Variants in NBPF10 observed in about 807,000 individuals in gnomAD.
The protein encoded by NBPF10 is NBPF member 10.
Under a neutral mutation model 77.9 loss-of-function variants are expected in NBPF10, and 63 were observed. The ratio of observed to expected loss-of-function variants is 0.81; its 90% confidence interval spans 0.66 to 1.00. The LOEUF is 1.00. Among genes scored for constraint, NBPF10 ranks in the 50% least tolerant of loss-of-function variants. The pLI is 0.00. For synonymous variants in NBPF10, 146 were observed against 264.5 expected (o/e 0.55, Z 4.35); for missense variants, 522 against 679.8 (o/e 0.77, Z 2.58).
At chr1:146,067,711 T>A (rs587735287) in intron 88 of NBPF10, among the ~76,000 whole-genome samples, 48 of 149,316 alleles carry the variant, frequency 3.2e-4, no homozygotes, top group African/African-American at 1.1e-3. Context: ...AACCCTTGAG[T>A]CAAAATCACA....
At chr1:146,068,247 T>A in intron 87 of NBPF10, 72 bp from the exon 88 acceptor site, 1 of 248,166 alleles carries the variant, frequency 4.0e-6, no homozygotes, top group Non-Finnish European at 7.4e-6. Context: ...CTAGATTTCA[T>A]GGCTAACATA....
At position 146,126,503 on chromosome 1, in the gene NBPF10, A is replaced by C; in HGVS notation, c.1854-95T>G. ...CATGGCTAACATAAGGAAGAGTTTG[A>C]AAAGAAAAAGGACAGATCCATTAAT... is the stretch of plus-strand genomic sequence containing the variant. On this transcript the variant is annotated intron_variant, in intron 13 of 89. Coordinates refer to ENST00000583866, the Ensembl canonical transcript of NBPF10. The C allele has an allele frequency of 4.2e-6, 3 of 719,264 alleles. No individual in the cohort carries two copies. The South Asian group carries it at 4.4e-5, about 11-fold the overall frequency. The allele number at this position is 719,264 out of a possible 1,614,324, so 44.6% of individuals were successfully genotyped here.
chr1:146,126,890 C>G, intron 13 of NBPF10, 138 bp downstream of exon 13: 3 of 514,470 alleles, frequency 5.8e-6, no homozygotes, highest in South Asian at 2.2e-5. Context: ...TAATGAGAAC[C>G]AAAAAGCAAT....
rs1328333385 is a variant in NBPF10 at position 146,141,747 on chromosome 1, C to CT, written c.349dup (p.Arg117LysfsTer9). On this transcript the variant is annotated frameshift_variant, in exon 3 of 90. Coordinates refer to ENST00000583866, the Ensembl canonical transcript of NBPF10. LOFTEE classifies it high-confidence loss of function. ...CTCATACAATGAGCGGGAGGCATCT[C>CT]TCCCTTCCCGTAACTTCTCCCTTAG... 2 of 1,332,692 alleles carry CT rather than the reference C, an allele frequency of 1.5e-6. 1 individual carries two copies. Among genetic ancestry groups the CT allele is most frequent in the Non-Finnish European group, 2.1e-6 (2 of 964,584 alleles). 82.6% of individuals were successfully genotyped at this position (1,332,692 alleles called of 1,614,324 possible).
chr1:146,067,092 C>G (rs74347725), intron 89 of NBPF10, 88 bp downstream of exon 89: 2 of 617,752 alleles, frequency 3.2e-6, no homozygotes, highest in Non-Finnish European at 2.9e-6. Context: ...TCGTTGAAAA[C>G]ATGTCATCAA....
chr1:146,135,870 C>T (rs1383620166), intron 7 of NBPF10, among the ~76,000 whole-genome samples: 1 of 142,012 alleles, frequency 7.0e-6, no homozygotes, highest in Admixed American at 7.2e-5. Context: ...CATCTTGCGG[C>T]CACTAGATAC....
At chr1:146,137,264 ACTG>A (rs1410081482) in intron 6 of NBPF10, among the ~76,000 whole-genome samples, 2 of 86,634 alleles carry the variant, frequency 2.3e-5, no homozygotes, top group African/African-American at 7.1e-5. Flanking sequence ...TGTACACTGC[ACTG>A]CTATCTCCAC....
chr1:146,139,390 T>C (rs1365103652), intron 5 of NBPF10, among the ~76,000 whole-genome samples: 1 of 151,838 alleles, frequency 6.6e-6, no homozygotes, highest in Non-Finnish European at 1.5e-5. Context: ...ATTACAGGTG[T>C]GACCCACTGC....
At chr1:146,126,590 G>C (rs587656036) in intron 13 of NBPF10, among the ~76,000 whole-genome samples, 182 bp from the exon 14 acceptor site, 2 of 100,266 alleles carry the variant, frequency 2.0e-5, no homozygotes, top group East Asian at 2.8e-4. Context: ...AAGGATGAAC[G>C]AGAAAGACAC....
chr1:146,069,339 G>C (rs1553779231), intron 86 of NBPF10, among the ~76,000 whole-genome samples: 1 of 92,066 alleles, frequency 1.1e-5, no homozygotes, highest in East Asian at 2.4e-4. Flanking sequence ...CATGGCCTGA[G>C]ACTAGGAAGA....
chr1:146,126,199 C>T (rs782702198), intron 14 of NBPF10, 37 bp downstream of exon 14: 4 of 1,171,726 alleles, frequency 3.4e-6, no homozygotes, highest in South Asian at 2.4e-5. Context: ...CCAGAAGACT[C>T]AGTGGATCCT....
At chr1:146,139,285 A>G (rs1476647920) in intron 5 of NBPF10, among the ~76,000 whole-genome samples, 1 of 110,536 alleles carries the variant, frequency 9.0e-6, no homozygotes, top group African/African-American at 3.3e-5. Flanking sequence ...TTTTTTTTGT[A>G]TTTTTAGTAA....
intron 13 of NBPF10, among the ~76,000 whole-genome samples, chr1:146,126,814 T>C (rs782157309): frequency 8.7e-5 from 11 of 125,738 alleles, no homozygotes; most frequent in South Asian, 2.9e-4. Flanking sequence ...TTTTGAGGTA[T>C]GGTCAACTTT....
At chr1:146,130,567 A>G (rs1415540510) in intron 11 of NBPF10, among the ~76,000 whole-genome samples, 5 of 23,696 alleles carry the variant, frequency 2.1e-4, no homozygotes, top group Non-Finnish European at 6.0e-4. Flanking sequence ...AGCACCTTCA[A>G]CATTCTTAAA....
At position 146,126,355 on chromosome 1, in the gene NBPF10, T is replaced by G; in HGVS notation, c.1907A>C (p.Gln636Pro). 2.2e-6 allele frequency: 3 copies of G among 1,380,914 alleles called. No homozygotes were observed. In the South Asian group the frequency reaches 3.5e-5, roughly 16 times the overall value. The allele number at this position is 1,380,914 out of a possible 1,614,324, so 85.5% of individuals were successfully genotyped here. A position where few individuals can be genotyped will look rare whatever the true frequency, so the allele number is the denominator to read the frequency against. Residue 636 changes from glutamine (Q) to proline (P), a missense_variant, in exon 14 of 90, where the codon CAG becomes CCG. By Grantham distance (76) the Gln-to-Pro change is moderately conservative. Around this residue, in one of 9 missense-constraint regions of NBPF10, gnomAD observed 178 missense variants for 77.7 expected, o/e 2.29. Transcript: ENST00000583866. ...TGAAGGAGTTGAATAACATCTATCC[T>G]GTGAGTCCTGCAAGACTTCAGGCCC...
exon 89 of NBPF10, chr1:146,067,226 T>A (rs782091398): frequency 3.6e-6 from 2 of 560,002 alleles, no homozygotes; most frequent in African/African-American, 2.1e-5. Flanking sequence ...TTTCTTCCCC[T>A]TCTTCTTTCC....
At chr1:146,139,092 C>CTTTT (rs782186835) in intron 5 of NBPF10, among the ~76,000 whole-genome samples, 44 of 82,448 alleles carry the variant, frequency 5.3e-4, no homozygotes, top group East Asian at 7.5e-4. Context: ...CAGAGACTTA[C>CTTTT]TTTTTTTTTT....
chr1:146,123,548 G>C (rs1162198153), intron 17 of NBPF10, among the ~76,000 whole-genome samples: 25 of 105,484 alleles, frequency 2.4e-4, no homozygotes, highest in African/African-American at 1.2e-3. Context: ...AACGAGCTCA[G>C]TGAATTGTCC....
Position 146,064,724 on chromosome 1 carries a change from G to A in NBPF10, c.*1594C>T, listed in dbSNP as rs376872491. 24 of 88,852 alleles carry A rather than the reference G, an allele frequency of 2.7e-4. No homozygotes were observed. In the East Asian group the frequency reaches 3.6e-3, roughly 13 times the overall value. 5.5% of individuals were successfully genotyped at this position (88,852 alleles called of 1,614,324 possible). A position where few individuals can be genotyped will look rare whatever the true frequency, so the allele number is the denominator to read the frequency against. On this transcript the variant is annotated 3_prime_UTR_variant, in exon 90 of 90. Transcript: ENST00000583866. Reference sequence around the variant, plus strand: ...GGAAATGAAATGTTTTTATTAATTCGCATCAGTACCCACCAAAACCAATCA... The same window carrying A: ...GGAAATGAAATGTTTTTATTAATTCACATCAGTACCCACCAAAACCAATCA...
Sources: gnomAD v4.1 joint callset for allele counts (sites outside exome capture counted in the v4.1 genomes callset) on GRCh38, gnomAD v4.1.1 for gene constraint, gnomAD v4.1.1 regional missense constraint, MANE v1.5 for transcripts, NCBI Gene and HGNC (gene_info 2026-07-23, HGNC 2026-07-21) for gene names.